The following ATP6V1C1 variants were observed in gnomAD, a reference collection of about 807,000 sequenced individuals.
ATP6V1C1 encodes ATPase H+ transporting V1 subunit C1.
ATP6V1C1 carries 45 observed loss-of-function variants against 53.9 expected under a neutral mutation model. That is an observed-to-expected ratio of 0.83 (90% confidence interval 0.66 to 1.07). The LOEUF (loss-of-function observed/expected upper bound fraction) is 1.07. Among genes scored for constraint, ATP6V1C1 ranks in the 50% least tolerant of loss-of-function variants. The probability of loss-of-function intolerance (pLI) is 0.00; values close to 1 mark genes in which losing one functional copy is unlikely to be tolerated. For synonymous variants in ATP6V1C1, 153 were observed against 155.2 expected, an observed-to-expected ratio of 0.99 and a Z score of 0.11; for missense variants, 315 against 440.3, an observed-to-expected ratio of 0.72 and a Z score of 2.55.
chr8:103,040,468 T>C (rs1319523763), intron 1 of ATP6V1C1, among the ~76,000 whole-genome samples: 1 of 152,062 alleles, frequency 6.6e-6, no homozygotes, highest in African/African-American at 2.4e-5. Flanking sequence ...TCCAGCTTTG[T>C]TGGTTGAAGG....
chr8:103,040,213 A>C (rs1168178572), intron 1 of ATP6V1C1, among the ~76,000 whole-genome samples: 1 of 149,490 alleles, frequency 6.7e-6, no homozygotes, highest in Non-Finnish European at 1.5e-5. Flanking sequence ...CAGGAGTTCA[A>C]GACCAGCCTG....
chr8:103,029,024 AATT>A (rs1350711961), intron 1 of ATP6V1C1, among the ~76,000 whole-genome samples: 3 of 152,166 alleles, frequency 2.0e-5, no homozygotes, highest in Non-Finnish European at 4.4e-5. Flanking sequence ...ATTATTTAAA[AATT>A]AGGAAAAAAA....
chr8:103,060,454 G>C (rs1369017286), intron 8 of ATP6V1C1, among the ~76,000 whole-genome samples: 1 of 152,126 alleles, frequency 6.6e-6, no homozygotes, highest in Non-Finnish European at 1.5e-5. Context: ...TAATTCCCCA[G>C]TGTATCATGT....
chr8:103,055,367 G>C (rs1817272694), intron 7 of ATP6V1C1, among the ~76,000 whole-genome samples: 1 of 152,124 alleles, frequency 6.6e-6, no homozygotes, highest in Non-Finnish European at 1.5e-5. Context: ...CTGGAAGCCA[G>C]TGGCCTCTAG....
At chr8:103,060,713 T>C (rs1817381783) in intron 8 of ATP6V1C1, among the ~76,000 whole-genome samples, 1 of 152,142 alleles carries the variant, frequency 6.6e-6, no homozygotes, top group Non-Finnish European at 1.5e-5. Flanking sequence ...GGAAAGCAAG[T>C]GGCTTTTATT....
At chr8:103,046,394 T>A (rs1817097452) in intron 3 of ATP6V1C1, among the ~76,000 whole-genome samples, 1 of 152,076 alleles carries the variant, frequency 6.6e-6, no homozygotes, top group African/African-American at 2.4e-5. Flanking sequence ...TTTATTTTTG[T>A]GGACATGGAG....
intron 3 of ATP6V1C1, among the ~76,000 whole-genome samples, chr8:103,043,974 C>T (rs1484493218): frequency 5.3e-5 from 8 of 152,098 alleles, no homozygotes; most frequent in East Asian, 1.9e-4. Context: ...CTGCAGCCTC[C>T]GCCTCCTGGG....
chr8:103,072,173 T>C lies in ATP6V1C1; in HGVS notation c.*3426T>C, dbSNP rs1234728801. The C allele has an allele frequency of 6.6e-6, 1 of 152,252 alleles. No individual in the cohort carries two copies. The highest frequency in any genetic ancestry group is 1.5e-5 in the Non-Finnish European group (1 of 68,036). 9.4% of individuals were successfully genotyped at this position (152,252 alleles called of 1,614,324 possible). A position where few individuals can be genotyped will look rare whatever the true frequency, so the allele number is the denominator to read the frequency against. On this transcript the variant is annotated 3_prime_UTR_variant, in exon 13 of 13. Transcript: ENST00000518738. ...AATCTTTGTGGAACATATTCCAGCTTTTTGAATGAGTGCATATCCAGTAGT... is the reference window on the plus strand; with the variant it reads ...AATCTTTGTGGAACATATTCCAGCTCTTTGAATGAGTGCATATCCAGTAGT...
chr8:103,051,556 C>G (rs889105316), intron 5 of ATP6V1C1, among the ~76,000 whole-genome samples: 1 of 152,102 alleles, frequency 6.6e-6, no homozygotes, highest in South Asian at 2.1e-4. Context: ...TATGGATTCT[C>G]TGACCCCTTC....
chr8:103,023,715 T>C (rs1177657593), intron 1 of ATP6V1C1, among the ~76,000 whole-genome samples: 1 of 152,192 alleles, frequency 6.6e-6, no homozygotes, highest in African/African-American at 2.4e-5. Flanking sequence ...ATGCTATTCA[T>C]TGTATAGATG....
rs367655967 is a variant in ATP6V1C1, at chr8:103,063,116, T to A, written c.735-19T>A. The A allele has an allele frequency of 6.2e-7, 1 of 1,611,916 alleles. No homozygotes were observed. The highest frequency in any genetic ancestry group is 1.1e-5 in the South Asian group (1 of 90,940). Reference sequence around the variant, plus strand: ...TGTATACAATGTGAACAATTTTGTTTTTTTTCCCCCAAATTTAGATTCATT... The same window carrying A: ...TGTATACAATGTGAACAATTTTGTTATTTTTCCCCCAAATTTAGATTCATT... On this transcript the variant is annotated intron_variant, in intron 9 of 12. Coordinates refer to ENST00000518738, the MANE Select transcript of ATP6V1C1 (RefSeq NM_001695.5).
At chr8:103,040,736 C>T (rs1816984930) in intron 1 of ATP6V1C1, 62 bp from the exon 2 acceptor site, 2 of 1,425,862 alleles carry the variant, frequency 1.4e-6, no homozygotes, top group Non-Finnish European at 1.9e-6. Flanking sequence ...TCCTATGATT[C>T]TGAAACACTT....
At chr8:103,039,661 A>G (rs2131387996) in intron 1 of ATP6V1C1, among the ~76,000 whole-genome samples, 1 of 152,212 alleles carries the variant, frequency 6.6e-6, no homozygotes, top group Admixed American at 6.5e-5. Context: ...ATTTGTGTTT[A>G]TGTGCTTTAC....
intron 8 of ATP6V1C1, among the ~76,000 whole-genome samples, chr8:103,056,278 T>A (rs984517152): frequency 6.6e-6 from 1 of 152,190 alleles, no homozygotes; most frequent in Non-Finnish European, 1.5e-5. Context: ...TCTTTATTCA[T>A]TATTGCATAC....
chr8:103,061,929 G>A (rs533224729), intron 8 of ATP6V1C1, among the ~76,000 whole-genome samples: 2 of 152,186 alleles, frequency 1.3e-5, no homozygotes, highest in South Asian at 4.1e-4. Context: ...TATCACAAGC[G>A]ATACCATTCA....
At chr8:103,066,626 T>G (rs902522418) in intron 12 of ATP6V1C1, among the ~76,000 whole-genome samples, 179 bp downstream of exon 12, 1 of 152,266 alleles carries the variant, frequency 6.6e-6, no homozygotes. Context: ...TGTTTTATAC[T>G]AATTATATCT....
chr8:103,040,823 A>G lies in ATP6V1C1; in HGVS notation c.-14A>G, dbSNP rs1451013415. The G allele has an allele frequency of 1.9e-6, 3 of 1,607,282 alleles. No homozygotes were observed. The highest frequency in any genetic ancestry group is 2.2e-5 in the South Asian group (2 of 89,520). On this transcript the variant is annotated 5_prime_UTR_variant, in exon 2 of 13. It adds an upstream start codon to the 5' untranslated region. Coordinates refer to ENST00000518738, the MANE Select transcript of ATP6V1C1 (RefSeq NM_001695.5). ...AATCTCTCTTGATTTTTGAGGAAAT[A>G]CCTAGTAACAAACATGACTGAGTTC...
In ATP6V1C1 at chr8:103,052,838, A is replaced by T. The variant is rs541905469; in HGVS notation, c.473+16A>T. On this transcript the variant is annotated intron_variant, in intron 6 of 12. Transcript: ENST00000518738. ...GAAAGAATGCGTAAGCAGATCAAGT[A>T]TATTTGAGTACTAAGAACTGGGGAA... 6.6e-7 allele frequency: 1 copy of T among 1,510,602 alleles called. No individual in the cohort carries two copies. The highest frequency in any genetic ancestry group is 1.2e-5 in the South Asian group (1 of 81,792). The allele number at this position is 1,510,602 out of a possible 1,614,324, so 93.6% of individuals were successfully genotyped here.
At chr8:103,023,889 A>T (rs901412500) in intron 1 of ATP6V1C1, among the ~76,000 whole-genome samples, 1 of 148,878 alleles carries the variant, frequency 6.7e-6, no homozygotes, top group African/African-American at 2.5e-5. Flanking sequence ...GTAGTCTTTG[A>T]TTCAGCATTT....
Sources: gnomAD v4.1 joint callset for allele counts (sites outside exome capture counted in the v4.1 genomes callset) on GRCh38, gnomAD v4.1.1 for gene constraint, MANE v1.5 for transcripts, NCBI Gene and HGNC (gene_info 2026-07-23, HGNC 2026-07-21) for gene names.